CLSTN2: variants seen among roughly 807,000 people sequenced by gnomAD.
The protein encoded by CLSTN2 is calsyntenin 2.
A neutral mutation model predicts 101.2 loss-of-function variants in CLSTN2; 48 were observed. The observed-to-expected ratio is 0.47, with a 90% CI of 0.38 to 0.60. The LOEUF (loss-of-function observed/expected upper bound fraction) is 0.60. Ranked by LOEUF, CLSTN2 falls within the 20% of genes least tolerant of loss-of-function variation. The pLI, the probability that CLSTN2 is intolerant of heterozygous loss-of-function variation, is 0.00. For synonymous variants in CLSTN2, 481 were observed against 463.6 expected (o/e 1.04, Z -0.48); for missense variants, 1,160 against 1,238.2 (o/e 0.94, Z 0.95).
chr3:140,000,742 T>C (rs1388405747), intron 1 of CLSTN2, among the ~76,000 whole-genome samples: 2 of 152,202 alleles, frequency 1.3e-5, no homozygotes, highest in Admixed American at 6.5e-5. Context: ...GTAGAGCTGC[T>C]AGATTTCTCA....
chr3:140,120,483 A>G (rs995307546), intron 1 of CLSTN2, among the ~76,000 whole-genome samples: 4 of 152,156 alleles, frequency 2.6e-5, no homozygotes, highest in Non-Finnish European at 5.9e-5. Flanking sequence ...TGAAGGCTTC[A>G]TTATATAAGC....
At chr3:140,513,583 C>CTTCTTTTT (rs374321434) in intron 8 of CLSTN2, among the ~76,000 whole-genome samples, 10 of 117,750 alleles carry the variant, frequency 8.5e-5, no homozygotes, top group East Asian at 2.4e-4. Flanking sequence ...TTTTTTCTTT[C>CTTCTTTTT]TTTTTTTTTT....
intron 2 of CLSTN2, among the ~76,000 whole-genome samples, chr3:140,376,140 A>T (rs1420342912): frequency 6.6e-6 from 1 of 152,162 alleles, no homozygotes; most frequent in Non-Finnish European, 1.5e-5. Context: ...CAACCTAACC[A>T]CTGAACTCAA....
chr3:140,055,637 G>C (rs574960656), intron 1 of CLSTN2, among the ~76,000 whole-genome samples: 5 of 152,330 alleles, frequency 3.3e-5, no homozygotes, highest in African/African-American at 9.6e-5. Context: ...GTTCAGCGTA[G>C]TACCTACCGT....
chr3:140,202,165 G>A (rs2010725582), intron 2 of CLSTN2, among the ~76,000 whole-genome samples: 1 of 152,188 alleles, frequency 6.6e-6, no homozygotes, highest in South Asian at 2.1e-4. Context: ...AGGGGTTTGA[G>A]CAGAAGAGTA....
intron 2 of CLSTN2, among the ~76,000 whole-genome samples, chr3:140,292,062 A>G (rs1364586538): frequency 6.6e-6 from 1 of 152,030 alleles, no homozygotes. Flanking sequence ...CCTCAATTCA[A>G]TTCAAAGACT....
intron 1 of CLSTN2, among the ~76,000 whole-genome samples, chr3:140,042,261 A>C (rs976496640): frequency 2.0e-5 from 3 of 152,204 alleles, no homozygotes; most frequent in Non-Finnish European, 4.4e-5. Context: ...AGCAGCCACT[A>C]ATCTACTTTA....
intron 2 of CLSTN2, among the ~76,000 whole-genome samples, chr3:140,384,760 T>C (rs2088032097): frequency 6.6e-6 from 1 of 152,242 alleles, no homozygotes; most frequent in African/African-American, 2.4e-5. Context: ...GATTGGGCTG[T>C]CATTTGTCTT....
At chr3:140,120,161 C>A (rs550360317) in intron 1 of CLSTN2, among the ~76,000 whole-genome samples, 2 of 152,212 alleles carry the variant, frequency 1.3e-5, no homozygotes, top group South Asian at 4.2e-4. Flanking sequence ...GAATGCCTAC[C>A]ACCACCCCAG....
At chr3:140,432,220 C>G (rs2088639378) in intron 5 of CLSTN2, among the ~76,000 whole-genome samples, 1 of 152,158 alleles carries the variant, frequency 6.6e-6, no homozygotes, top group South Asian at 2.1e-4. Context: ...ACTCTGCAAC[C>G]TTGGGAAAGT....
At chr3:140,422,201 CTCTCTCT>C (rs1559865230) in intron 5 of CLSTN2, among the ~76,000 whole-genome samples, 3 of 151,778 alleles carry the variant, frequency 2.0e-5, no homozygotes, top group Non-Finnish European at 4.4e-5. Context: ...CTCTCTCTCT[CTCTCTCT>C]CTCTCTCTCT....
chr3:139,985,914 C>T (rs139649652), intron 1 of CLSTN2, among the ~76,000 whole-genome samples: 1 of 152,334 alleles, frequency 6.6e-6, no homozygotes, highest in African/African-American at 2.4e-5. Flanking sequence ...AATTTTTAAA[C>T]TTCATTTAAT....
chr3:140,496,326 CTT>C (rs1559886405), intron 8 of CLSTN2, among the ~76,000 whole-genome samples: 1 of 152,126 alleles, frequency 6.6e-6, no homozygotes, highest in Non-Finnish European at 1.5e-5. Flanking sequence ...TATCCTGAGA[CTT>C]TGCTGAAGTT....
At chr3:140,119,546 G>A (rs1222706546) in intron 1 of CLSTN2, among the ~76,000 whole-genome samples, 3 of 152,284 alleles carry the variant, frequency 2.0e-5, no homozygotes, top group African/African-American at 7.2e-5. Context: ...ACAGGGTCTT[G>A]CTCTGTTGCC....
intron 1 of CLSTN2, among the ~76,000 whole-genome samples, chr3:140,075,606 A>AGGT (rs935697615): frequency 1.3e-5 from 2 of 152,170 alleles, no homozygotes; most frequent in African/African-American, 4.8e-5. Flanking sequence ...ATCCCTGCTC[A>AGGT]GGTGGTGTCA....
intron 1 of CLSTN2, among the ~76,000 whole-genome samples, chr3:140,037,467 G>A (rs572924193): frequency 8.8e-4 from 134 of 151,610 alleles, no homozygotes; most frequent in Non-Finnish European, 5.7e-4. Flanking sequence ...GTAAAATCTC[G>A]TATTTAAAAA....
intron 2 of CLSTN2, among the ~76,000 whole-genome samples, chr3:140,270,242 A>G (rs2086729999): frequency 6.6e-6 from 1 of 152,112 alleles, no homozygotes; most frequent in Non-Finnish European, 1.5e-5. Flanking sequence ...ACAGGTGAGG[A>G]GATGTACACT....
Position 139,940,858 on chromosome 3 carries a change from C to T in CLSTN2, c.109+5375C>T, listed in dbSNP as rs918827429. On this transcript the variant is annotated intron_variant, in intron 1 of 16. Transcript: ENST00000458420. ...AGTAAAGGTCAGCAATATTTGCTAT[C>T]TAAGTAAATAAACAAGCCTGTCTCC... is the stretch of plus-strand genomic sequence containing the variant. Among the ~76,000 whole-genome samples, 5 of 152,010 alleles carry T rather than the reference C, an allele frequency of 3.3e-5. No homozygotes were observed. In the East Asian group the frequency reaches 9.7e-4, roughly 30 times the overall value.
At chr3:140,170,445 C>T (rs552559483) in intron 1 of CLSTN2, among the ~76,000 whole-genome samples, 1 of 152,274 alleles carries the variant, frequency 6.6e-6, no homozygotes, top group South Asian at 2.1e-4. Context: ...GGGATGTTAG[C>T]ATTCTTACTT....
Sources: gnomAD v4.1 joint callset for allele counts (sites outside exome capture counted in the v4.1 genomes callset) on GRCh38, gnomAD v4.1.1 for gene constraint, MANE v1.5 for transcripts, NCBI Gene and HGNC (gene_info 2026-07-23, HGNC 2026-07-21) for gene names.